The following TRAF3IP3 variants were observed in gnomAD, a reference collection of about 807,000 sequenced individuals.
TRAF3IP3 encodes the protein TRAF3-interacting JNK-activating modulator.
In TRAF3IP3, 64 loss-of-function variants were observed where a neutral mutation model predicts 86.5. The observed-to-expected ratio is 0.74, with a 90% CI of 0.60 to 0.91. TRAF3IP3 has a LOEUF of 0.91. Ranked by LOEUF, TRAF3IP3 falls within the 40% of genes least tolerant of loss-of-function variation. The probability of loss-of-function intolerance (pLI) is 0.00; values close to 1 mark genes in which losing one functional copy is unlikely to be tolerated. For missense variants in TRAF3IP3, 579 were observed against 642.9 expected, an observed-to-expected ratio of 0.90 and a Z score of 1.07; for synonymous variants, 220 against 243.9, an observed-to-expected ratio of 0.90 and a Z score of 0.91.
At chr1:209,761,371 T>A (rs1180224087) in intron 3 of TRAF3IP3, among the ~76,000 whole-genome samples, 1 of 152,204 alleles carries the variant, frequency 6.6e-6, no homozygotes, top group Non-Finnish European at 1.5e-5. Flanking sequence ...AACCAGGGTA[T>A]GCTGAGATGA....
intron 6 of TRAF3IP3, 39 bp downstream of exon 6, chr1:209,763,131 G>T (rs541603778): frequency 6.4e-5 from 103 of 1,599,630 alleles, no homozygotes; most frequent in Non-Finnish European, 8.4e-5. Flanking sequence ...AAATCAGAAA[G>T]TATTAAGCTC....
chr1:209,759,709 C>CA (rs1289608666), intron 2 of TRAF3IP3, among the ~76,000 whole-genome samples: 1 of 152,292 alleles, frequency 6.6e-6, no homozygotes, highest in Admixed American at 6.5e-5. Context: ...GATGTTCAGT[C>CA]AAGGAGTAAG....
chr1:209,775,724 G>T lies in TRAF3IP3; in HGVS notation c.1041G>T (p.Gln347His). 6.2e-7 allele frequency: 1 copy of T among 1,612,156 alleles called. No individual in the cohort carries two copies. Among genetic ancestry groups the T allele is most frequent in the Middle Eastern group, 1.7e-4 (1 of 5,762 alleles). ...RELESQLHVL[Q>H]SKLQGADSRD... ...TGGAGAGCCAACTCCACGTGCTTCA[G>T]TCCAAACTGCAGGTACCAGGCACTG... Residue 347 changes from glutamine (Q) to histidine (H), a missense_variant, in exon 11 of 17, where the codon CAG (glutamine) becomes CAT (histidine). By Grantham distance (24) the Gln-to-His change is conservative. Transcript: ENST00000367025.
At chr1:209,765,834 T>C (rs926784151) in intron 8 of TRAF3IP3, among the ~76,000 whole-genome samples, 3 of 152,224 alleles carry the variant, frequency 2.0e-5, no homozygotes, top group African/African-American at 7.2e-5. Context: ...TAAAGAAAAA[T>C]TCAGTTTCAC....
At position 209,775,590 on chromosome 1, in the gene TRAF3IP3, C is replaced by G; in HGVS notation, c.916-9C>G. ...TCCCTGGAGCCCTCTCCTCTCTGAT[C>G]TCCCTCAGCGATCCCTGGCCCTGGC... is the stretch of plus-strand genomic sequence containing the variant. On this transcript the variant is annotated splice_polypyrimidine_tract_variant and intron_variant, in intron 10 of 16. Transcript: ENST00000367025. 1 of 1,614,156 alleles carries G rather than the reference C, an allele frequency of 6.2e-7. No homozygotes were observed. Among genetic ancestry groups the G allele is most frequent in the Non-Finnish European group, 8.5e-7 (1 of 1,180,006 alleles).
intron 8 of TRAF3IP3, among the ~76,000 whole-genome samples, chr1:209,769,551 A>C (rs2077422914): frequency 6.6e-6 from 1 of 152,248 alleles, no homozygotes; most frequent in Admixed American, 6.5e-5. Flanking sequence ...TAACACAGGA[A>C]GCTGAAAGGG....
chr1:209,772,501 A>G (rs1474415189), intron 8 of TRAF3IP3, among the ~76,000 whole-genome samples: 1 of 152,176 alleles, frequency 6.6e-6, no homozygotes, highest in African/African-American at 2.4e-5. Context: ...ACCGAGGGCA[A>G]GGGAGGGAAT....
chr1:209,775,925 T>C, intron 11 of TRAF3IP3, 189 bp downstream of exon 11: 1 of 561,412 alleles, frequency 1.8e-6, no homozygotes, highest in Admixed American at 3.4e-5. Context: ...TTAGCAAGGA[T>C]GTCTGCATTG....
intron 8 of TRAF3IP3, among the ~76,000 whole-genome samples, chr1:209,766,032 A>C (rs533233321): frequency 6.6e-6 from 1 of 152,378 alleles, no homozygotes; most frequent in East Asian, 1.9e-4. Context: ...AAAGAGATGG[A>C]GCACACAACC....
chr1:209,770,440 CAGGTGGAGGTATGTGTGTGCATGTGGAG>C (rs2077446130), intron 8 of TRAF3IP3, among the ~76,000 whole-genome samples: 1 of 134,052 alleles, frequency 7.5e-6, no homozygotes, highest in Admixed American at 7.4e-5. Flanking sequence ...TGTGTGTGTG[CAGGTGGAGGTATGTGTGTGCATGTGGAG>C]GTGTGTGTGT....
intron 9 of TRAF3IP3, among the ~76,000 whole-genome samples, chr1:209,773,672 G>C (rs1381445947): frequency 6.6e-6 from 1 of 152,262 alleles, no homozygotes; most frequent in African/African-American, 2.4e-5. Flanking sequence ...GAGTTAGAGA[G>C]AGAAGACAGT....
intron 8 of TRAF3IP3, among the ~76,000 whole-genome samples, chr1:209,771,413 G>C (rs1216181207): frequency 6.9e-6 from 1 of 145,858 alleles, no homozygotes; most frequent in African/African-American, 2.6e-5. Flanking sequence ...GTGAAGGTAT[G>C]CATGTGCAGG....
At chr1:209,769,909 G>C (rs546179280) in intron 8 of TRAF3IP3, among the ~76,000 whole-genome samples, 1 of 152,062 alleles carries the variant, frequency 6.6e-6, no homozygotes, top group East Asian at 1.9e-4. Context: ...TGCTCTCATT[G>C]ATGGCTCCTC....
chr1:209,773,404 G>A (rs1480117552), intron 9 of TRAF3IP3, among the ~76,000 whole-genome samples: 3 of 152,172 alleles, frequency 2.0e-5, no homozygotes, highest in Non-Finnish European at 4.4e-5. Flanking sequence ...TTATAATGAA[G>A]TCTTACAAAA....
Position 209,763,552 on chromosome 1 carries a change from T to G in TRAF3IP3, c.667T>G (p.Ser223Ala). The G allele has an allele frequency of 6.2e-7, 1 of 1,614,180 alleles. No homozygotes were observed. The highest frequency in any genetic ancestry group is 8.5e-7 in the Non-Finnish European group (1 of 1,180,018). ...QKMVILQDLL[S>A]TLIQASDSSW... ...AATGGTGATTCTCCAAGACCTACTG[T>G]CCACTCTGATTCAGGCCTCTGACAG... The change falls in exon 8 of 17, where the codon TCC becomes GCC. Residue 223 changes from serine (S) to alanine (A), a missense_variant. By Grantham distance (99) the Ser-to-Ala change is moderately conservative (BLOSUM62 1). Coordinates refer to ENST00000367025, the MANE Select transcript of TRAF3IP3 (RefSeq NM_025228.4).
At position 209,763,501 on chromosome 1, in the gene TRAF3IP3, CA is replaced by C; in HGVS notation, c.619del (p.Arg207GlyfsTer5). On this transcript the variant is annotated frameshift_variant, in exon 8 of 17. Coordinates refer to ENST00000367025, the MANE Select transcript of TRAF3IP3 (RefSeq NM_025228.4). LOFTEE classifies it high-confidence loss of function. Reference sequence around the variant, plus strand: ...GTGCCCGCACCCCCAGGAGGCCCTACAAAGGGAGCTGGTCCTAAAACAGAAA... The same window carrying C: ...GTGCCCGCACCCCCAGGAGGCCCTACAAGGGAGCTGGTCCTAAAACAGAAA... ...QLSDYLKEAL[Q>X]RELVLKQKMV... is the part of the protein sequence containing the mutation. 1 of 1,614,188 alleles carries C rather than the reference CA, an allele frequency of 6.2e-7. No homozygotes were observed. Among genetic ancestry groups the C allele is most frequent in the Non-Finnish European group, 8.5e-7 (1 of 1,180,026 alleles).
At chr1:209,773,765 A>G (rs2077595282) in intron 9 of TRAF3IP3, among the ~76,000 whole-genome samples, 1 of 152,232 alleles carries the variant, frequency 6.6e-6, no homozygotes, top group Non-Finnish European at 1.5e-5. Flanking sequence ...TCATTTTTTC[A>G]GTATAACTTG....
chr1:209,771,880 GGT>G (rs1227225101), intron 8 of TRAF3IP3, among the ~76,000 whole-genome samples: 1 of 143,460 alleles, frequency 7.0e-6, no homozygotes, highest in Middle Eastern at 3.8e-3. Context: ...TGCATGTGGA[GGT>G]GTGTGCGCGC....
In TRAF3IP3 at chr1:209,760,192, C is replaced by T. The variant is rs2102429184; in HGVS notation, c.153C>T (p.Ile51=). Residue 51 remains isoleucine (I), a synonymous_variant, in exon 3 of 17, where the codon ATC becomes ATT. Transcript: ENST00000367025. ...TCRQVGKTLR[I]QQREQLQRAR... The stretch of plus-strand genomic sequence containing the variant: ...GCCAGGTGGGGAAGACGCTGAGGAT[C>T]CAACAGAGAGAGCAGCTCCAGAGAG... 1.2e-6 allele frequency: 2 copies of T among 1,614,238 alleles called. No homozygotes were observed. Among genetic ancestry groups the T allele is most frequent in the East Asian group, 2.2e-5 (1 of 44,886 alleles).
Sources: gnomAD v4.1 joint callset for allele counts (sites outside exome capture counted in the v4.1 genomes callset) on GRCh38, gnomAD v4.1.1 for gene constraint, MANE v1.5 for transcripts, NCBI Gene and HGNC (gene_info 2026-07-23, HGNC 2026-07-21) for gene names.